Variants in ZNF224 observed in about 807,000 individuals in gnomAD.
The protein encoded by ZNF224 is zinc finger protein 224.
Under a neutral mutation model 10.5 loss-of-function variants are expected in ZNF224, and 8 were observed. The ratio of observed to expected loss-of-function variants is 0.76; its 90% confidence interval spans 0.45 to 1.37. The LOEUF (loss-of-function observed/expected upper bound fraction) is 1.37, where lower values mean the gene tolerates loss of function less well. Ranked by LOEUF, ZNF224 falls within the 40% of genes most tolerant of loss-of-function variation. The probability of loss-of-function intolerance (pLI) is 0.00; values close to 1 mark genes in which losing one functional copy is unlikely to be tolerated. For synonymous variants in ZNF224, 282 were observed against 287.8 expected, an observed-to-expected ratio of 0.98 and a Z score of 0.20; for missense variants, 754 against 854.0, an observed-to-expected ratio of 0.88 and a Z score of 1.46.
Position 44,107,254 on chromosome 19 carries a change from T to G in ZNF224, c.1094T>G (p.Val365Gly), listed in dbSNP as rs1967695548. 2 of 1,591,714 alleles carry G rather than the reference T, an allele frequency of 1.3e-6. No individual in the cohort carries two copies. The highest frequency in any genetic ancestry group is 3.4e-4 in the Middle Eastern group (2 of 5,938). Reference protein sequence around the residue: ...CRRDLYTHHMVHTGEKPYNCK... With the variant: ...CRRDLYTHHMGHTGEKPYNCK... ...CGAGATCTTTATACGCATCATATGG[T>G]CCACACGGGAGAAAAGCCATATAAT... The change falls in exon 6 of 6, where the codon GTC becomes GGC. Residue 365 changes from valine to glycine, a missense_variant. Coordinates refer to ENST00000693561, the MANE Select transcript of ZNF224 (RefSeq NM_001321645.3).
At position 44,097,847 on chromosome 19, in the gene ZNF224, T is replaced by C. The variant is rs375013748; in HGVS notation, c.-27T>C. ...CCAGGAACTGCATCACTCAGGACTC[T>C]GCAAGTTTCCAGAAGTAAGAGGGAA... On this transcript the variant is annotated 5_prime_UTR_variant, in exon 3 of 6. Transcript: ENST00000693561. 5.0e-6 allele frequency: 8 copies of C among 1,613,828 alleles called. No individual in the cohort carries two copies. In the East Asian group the frequency reaches 1.1e-4, roughly 22 times the overall value.
intron 5 of ZNF224, among the ~76,000 whole-genome samples, chr19:44,101,580 G>T (rs1028281233): frequency 2.6e-5 from 4 of 152,046 alleles, no homozygotes; most frequent in African/African-American, 9.7e-5. Context: ...TCTCCTTCTT[G>T]CTCTGTCTTT....
chr19:44,098,512 C>T (rs1490887836), intron 3 of ZNF224, among the ~76,000 whole-genome samples: 1 of 152,120 alleles, frequency 6.6e-6, no homozygotes, highest in Non-Finnish European at 1.5e-5. Flanking sequence ...GTCATGCCTT[C>T]TATGTCTTTT....
rs571670969 is a variant in ZNF224 at position 44,101,182 on chromosome 19, G to C, written c.192G>C (p.Lys64Asn). 8 of 1,614,172 alleles carry C rather than the reference G, an allele frequency of 5.0e-6. No individual in the cohort carries two copies. The South Asian group carries it at 8.8e-5, about 18-fold the overall frequency. The change falls in exon 5 of 6, where the codon AAG becomes AAC. Residue 64 changes from lysine (K) to asparagine (N), a missense_variant. By Grantham distance (94) the Lys-to-Asn change is moderately conservative. Transcript: ENST00000693561. Reference protein sequence around the residue: ...RDTFHFLREEKIWMMKTAIQR... With the variant: ...RDTFHFLREENIWMMKTAIQR... ...CTTTCCACTTCCTAAGGGAAGAAAA[G>C]ATTTGGATGATGAAGACAGCAATCC...
intron 5 of ZNF224, among the ~76,000 whole-genome samples, chr19:44,103,162 A>G (rs1003755064): frequency 6.6e-6 from 1 of 152,188 alleles, no homozygotes; most frequent in Non-Finnish European, 1.5e-5. Context: ...TTTCAACTTT[A>G]TAACTTGGAA....
In ZNF224 at chr19:44,094,434, C is replaced by G. The variant is rs1182301641; in HGVS notation, c.-254C>G. 6.6e-6 allele frequency: 1 copy of G among 152,170 alleles called. No homozygotes were observed. The highest frequency in any genetic ancestry group is 1.5e-5 in the Non-Finnish European group (1 of 68,066). The allele number at this position is 152,170 out of a possible 1,614,324, so 9.4% of individuals were successfully genotyped here. A position where few individuals can be genotyped will look rare whatever the true frequency, so the allele number is the denominator to read the frequency against. On this transcript the variant is annotated 5_prime_UTR_variant, in exon 1 of 6. Transcript: ENST00000693561. ...CGCGATAGTTTGGGGCAGTTCCGCG[C>G]GTTGCAGGCCCTTCTGAATTTCCTG...
intron 3 of ZNF224, 50 bp from the exon 4 acceptor site, chr19:44,100,749 TCC>T (rs1399407289): frequency 6.3e-7 from 1 of 1,584,328 alleles, no homozygotes; most frequent in Non-Finnish European, 8.6e-7. Flanking sequence ...GCCACCCCTC[TCC>T]CAGGAATCAT....
intron 5 of ZNF224, among the ~76,000 whole-genome samples, chr19:44,102,204 T>C (rs1049735892): frequency 5.3e-5 from 8 of 152,216 alleles, no homozygotes; most frequent in Non-Finnish European, 7.3e-5. Context: ...CCTTCTGGCA[T>C]CTCCTTCAGT....
intron 5 of ZNF224, among the ~76,000 whole-genome samples, chr19:44,104,589 A>G (rs1967610608): frequency 6.6e-6 from 1 of 152,236 alleles, no homozygotes; most frequent in Admixed American, 6.5e-5. Flanking sequence ...CCCATAGAGT[A>G]GGATGCGTTA....
chr19:44,100,581 A>G (rs1036618768), intron 3 of ZNF224, among the ~76,000 whole-genome samples: 1 of 152,198 alleles, frequency 6.6e-6, no homozygotes, highest in South Asian at 2.1e-4. Context: ...GCACGAAGTA[A>G]AAATACAGGA....
Position 44,097,882 on chromosome 19 carries a change from G to A in ZNF224, c.9G>A (p.Thr3=), listed in dbSNP as rs141989511. MT[T]FKEAMTFKDV... The stretch of plus-strand genomic sequence containing the variant: ...CAGAAGTAAGAGGGAAAATGACCAC[G>A]TTCAAGGTGGGTAGGACTTGCTTCT... The change falls in exon 3 of 6, where the codon ACG becomes ACA. Residue 3 remains threonine, a synonymous_variant. Coordinates refer to ENST00000693561, the MANE Select transcript of ZNF224 (RefSeq NM_001321645.3). The A allele has an allele frequency of 1.4e-4, 231 of 1,613,994 alleles. No homozygotes were observed. In the Admixed American group the frequency reaches 1.9e-3, roughly 13 times the overall value.
intron 5 of ZNF224, among the ~76,000 whole-genome samples, chr19:44,103,826 G>T (rs1967594612): frequency 6.6e-6 from 1 of 152,054 alleles, no homozygotes; most frequent in African/African-American, 2.4e-5. Flanking sequence ...ACGTAGCTGG[G>T]ATTATAGGTG....
At position 44,107,018 on chromosome 19, in the gene ZNF224, G is replaced by A; in HGVS notation, c.858G>A (p.Lys286=). ...QEHQRIHTGE[K]PFKCDICGKS... is the part of the protein sequence containing the mutation. ...ATCAGAGAATCCATACGGGGGAGAAGCCATTCAAATGTGATATATGTGGTA... is the reference window on the plus strand; with the variant it reads ...ATCAGAGAATCCATACGGGGGAGAAACCATTCAAATGTGATATATGTGGTA... The change falls in exon 6 of 6, where the codon AAG becomes AAA. Residue 286 remains lysine, a synonymous_variant. Transcript: ENST00000693561. 6.2e-7 allele frequency: 1 copy of A among 1,607,844 alleles called. No individual in the cohort carries two copies. The highest frequency in any genetic ancestry group is 8.5e-7 in the Non-Finnish European group (1 of 1,176,482).
At position 44,107,505 on chromosome 19, in the gene ZNF224, G is replaced by A. The variant is rs146457821; in HGVS notation, c.1345G>A (p.Val449Ile). The change falls in exon 6 of 6, where the codon GTC (valine) becomes ATC (isoleucine). Residue 449 changes from valine (V) to isoleucine (I), a missense_variant. Val to Ile is a conservative substitution (Grantham distance 29, BLOSUM62 3). Coordinates refer to ENST00000693561, the MANE Select transcript of ZNF224 (RefSeq NM_001321645.3). ...RRLDLDFHQR[V>I]HTGEKLYNCK... ...GTTGGATCTTGACTTTCACCAGCGC[G>A]TCCATACAGGAGAGAAACTGTATAA... 155 of 1,606,064 alleles carry A rather than the reference G, an allele frequency of 9.7e-5. 1 individual carries two copies. The highest frequency in any genetic ancestry group is 7.9e-4 in the South Asian group (71 of 89,720).
At chr19:44,104,372 C>T (rs1967605130) in intron 5 of ZNF224, among the ~76,000 whole-genome samples, 1 of 152,228 alleles carries the variant, frequency 6.6e-6, no homozygotes, top group African/African-American at 2.4e-5. Context: ...AGATCGCTCT[C>T]ACTTCACACC....
chr19:44,101,313 T>C, intron 5 of ZNF224, 88 bp downstream of exon 5: 2 of 1,325,302 alleles, frequency 1.5e-6, no homozygotes, highest in Middle Eastern at 1.9e-4. Flanking sequence ...CTGGCCTAAA[T>C]GGCCAAACCT....
chr19:44,105,872 TTCCCTGGTGAA>T (rs1967645204), intron 5 of ZNF224: 1 of 153,408 alleles, frequency 6.5e-6, no homozygotes, highest in Admixed American at 6.5e-5. Flanking sequence ...CTGAATAGTA[TTCCCTGGTGAA>T]TATATACCAT....
In ZNF224 at chr19:44,097,885, C is replaced by T. The variant is rs919746832; in HGVS notation, c.12C>T (p.Phe4=). 1.2e-6 allele frequency: 2 copies of T among 1,614,006 alleles called. No homozygotes were observed. Among genetic ancestry groups the T allele is most frequent in the Non-Finnish European group, 1.7e-6 (2 of 1,179,956 alleles). Residue 4 remains phenylalanine, a synonymous_variant, in exon 3 of 6, where the codon TTC becomes TTT. Transcript: ENST00000693561. The part of the protein sequence containing the change: MTT[F]KEAMTFKDVA... Reference sequence around the variant, plus strand: ...AAGTAAGAGGGAAAATGACCACGTTCAAGGTGGGTAGGACTTGCTTCTATT... The same window carrying T: ...AAGTAAGAGGGAAAATGACCACGTTTAAGGTGGGTAGGACTTGCTTCTATT...
Position 44,101,328 on chromosome 19 carries a change from C to A in ZNF224, c.235+103C>A, listed in dbSNP as rs1396897343. On this transcript the variant is annotated intron_variant, in intron 5 of 5. Coordinates refer to ENST00000693561, the MANE Select transcript of ZNF224 (RefSeq NM_001321645.3). ...CTGGCCTAAATGGCCAAACCTCTTTCTTGGATTATTGACAACCATCTTACA... is the reference window on the plus strand; with the variant it reads ...CTGGCCTAAATGGCCAAACCTCTTTATTGGATTATTGACAACCATCTTACA... The A allele has an allele frequency of 3.3e-6, 4 of 1,197,794 alleles. No individual in the cohort carries two copies. The African/African-American group carries it at 6.1e-5, about 18-fold the overall frequency. The allele number at this position is 1,197,794 out of a possible 1,614,324, so 74.2% of individuals were successfully genotyped here. A position where few individuals can be genotyped will look rare whatever the true frequency, so the allele number is the denominator to read the frequency against.
Sources: allele counts gnomAD v4.1 joint callset (sites outside exome capture counted in the v4.1 genomes callset), GRCh38; gene constraint gnomAD v4.1.1; transcripts MANE v1.5; gene names NCBI Gene and HGNC (gene_info 2026-07-23, HGNC 2026-07-21).